BAIAP2L1: variants seen among roughly 807,000 people sequenced by gnomAD.
BAIAP2L1 encodes BAR/IMD domain containing adaptor protein 2 like 1.
In BAIAP2L1, 35 loss-of-function variants were observed where a neutral mutation model predicts 66.3. That is an observed-to-expected ratio of 0.53 (90% CI 0.40 to 0.70). The LOEUF (loss-of-function observed/expected upper bound fraction) is 0.70, where lower values mean the gene tolerates loss of function less well. BAIAP2L1 is among the 30% of genes least tolerant of loss of function. The pLI is 0.00. For missense variants in BAIAP2L1, 622 were observed against 656.9 expected (o/e 0.95, Z 0.58); for synonymous variants, 269 against 248.7 (o/e 1.08, Z -0.77).
chr7:98,292,850 A>G lies in BAIAP2L1; in HGVS notation c.*671T>C, dbSNP rs973504826. 2.5e-5 allele frequency: 37 copies of G among 1,454,620 alleles called. No homozygotes were observed. In the African/African-American group the frequency reaches 4.9e-4, roughly 19 times the overall value. 90.1% of individuals were successfully genotyped at this position (1,454,620 alleles called of 1,614,324 possible). ...TGCAGCGAATCCGTTGGCGACTCCT[A>G]ACTACCAAGAAAAGGAGCTCTCGGA... On this transcript the variant is annotated 3_prime_UTR_variant, in exon 14 of 14. Coordinates refer to ENST00000005260, the MANE Select transcript of BAIAP2L1 (RefSeq NM_018842.5).
At chr7:98,389,072 T>C (rs1182652839) in intron 1 of BAIAP2L1, among the ~76,000 whole-genome samples, 1 of 152,188 alleles carries the variant, frequency 6.6e-6, no homozygotes, top group Admixed American at 6.5e-5. Context: ...ATTTGTCACC[T>C]GAGGTTTTTG....
chr7:98,320,186 T>A (rs1304733125), intron 4 of BAIAP2L1, 51 bp downstream of exon 4: 2 of 1,589,984 alleles, frequency 1.3e-6, no homozygotes, highest in Non-Finnish European at 8.6e-7. Flanking sequence ...CAAAATAAGT[T>A]CTAAAACCTG....
At chr7:98,317,015 A>G (rs1370207836) in intron 6 of BAIAP2L1, among the ~76,000 whole-genome samples, 1 of 151,980 alleles carries the variant, frequency 6.6e-6, no homozygotes, top group Non-Finnish European at 1.5e-5. Flanking sequence ...GGTACCTGCC[A>G]TCACCCCAGC....
At chr7:98,364,195 A>C (rs922507231) in intron 1 of BAIAP2L1, among the ~76,000 whole-genome samples, 1 of 152,112 alleles carries the variant, frequency 6.6e-6, no homozygotes, top group African/African-American at 2.4e-5. Flanking sequence ...ATGACTTTGC[A>C]CTAAGGCTGA....
At position 98,311,370 on chromosome 7, in the gene BAIAP2L1, G is replaced by A. The variant is rs150050244; in HGVS notation, c.807+727C>T. 4.5e-3 allele frequency among the ~76,000 whole-genome samples: 681 copies of A among 150,058 alleles called. 2 individuals carry two copies. Among genetic ancestry groups the A allele is most frequent in the African/African-American group, 0.011 (457 of 40,854 alleles). ...CATCCTGGCTAACATGGTGAAACCC[G>A]GTTTCCACTAAAAATACAAAAAAAT... is the stretch of plus-strand genomic sequence containing the variant. On this transcript the variant is annotated intron_variant, in intron 8 of 13. Coordinates refer to ENST00000005260, the MANE Select transcript of BAIAP2L1 (RefSeq NM_018842.5).
In BAIAP2L1 at chr7:98,292,500, A is replaced by T; in HGVS notation, c.*1021T>A. On this transcript the variant is annotated 3_prime_UTR_variant, in exon 14 of 14. Coordinates refer to ENST00000005260, the MANE Select transcript of BAIAP2L1 (RefSeq NM_018842.5). Reference sequence around the variant, plus strand: ...TAACCATGACTCTCCACTCCAAAATAGGTCCAGATCCTTGGCAGCCAAAGA... The same window carrying T: ...TAACCATGACTCTCCACTCCAAAATTGGTCCAGATCCTTGGCAGCCAAAGA... 1.2e-6 allele frequency: 1 copy of T among 808,042 alleles called. No homozygotes were observed. Among genetic ancestry groups the T allele is most frequent in the Non-Finnish European group, 2.0e-6 (1 of 503,682 alleles). The allele number at this position is 808,042 out of a possible 1,614,324, so 50.1% of individuals were successfully genotyped here.
At chr7:98,312,673 G>A (rs1463636914) in intron 7 of BAIAP2L1, among the ~76,000 whole-genome samples, 1 of 152,164 alleles carries the variant, frequency 6.6e-6, no homozygotes, top group Non-Finnish European at 1.5e-5. Flanking sequence ...ACAGGCCACG[G>A]GCCCCGTAGT....
At chr7:98,392,915 C>A (rs1193319622) in intron 1 of BAIAP2L1, among the ~76,000 whole-genome samples, 3 of 150,056 alleles carry the variant, frequency 2.0e-5, no homozygotes, top group African/African-American at 7.3e-5. Flanking sequence ...GCCTCAGCAT[C>A]CCGAGTAGCT....
intron 3 of BAIAP2L1, among the ~76,000 whole-genome samples, chr7:98,344,210 G>T (rs1458174050): frequency 2.0e-5 from 3 of 152,050 alleles, no homozygotes; most frequent in African/African-American, 7.2e-5. Flanking sequence ...TTACAAGCAG[G>T]CCCTGGTCAT....
chr7:98,386,096 G>A (rs1192608412), intron 1 of BAIAP2L1: 23 of 1,583,688 alleles, frequency 1.5e-5, no homozygotes, highest in Middle Eastern at 1.7e-4. Context: ...ATCTTCTTCC[G>A]GATTTGGCGG....
At chr7:98,383,582 C>T (rs1035453715) in intron 1 of BAIAP2L1, among the ~76,000 whole-genome samples, 3 of 151,992 alleles carry the variant, frequency 2.0e-5, no homozygotes, top group South Asian at 2.1e-4. Flanking sequence ...CCACTGCGCC[C>T]GGCCATAACT....
chr7:98,363,720 CCATT>C (rs1802324542), intron 1 of BAIAP2L1, among the ~76,000 whole-genome samples: 1 of 152,150 alleles, frequency 6.6e-6, no homozygotes, highest in African/African-American at 2.4e-5. Context: ...CCCAAAGAGA[CCATT>C]CAAGTCTCAC....
chr7:98,382,896 G>A (rs188909218), intron 1 of BAIAP2L1, among the ~76,000 whole-genome samples: 164 of 152,238 alleles, frequency 1.1e-3, no homozygotes, highest in African/African-American at 3.6e-3. Context: ...CAGTATCCAC[G>A]TTTGCTTTGT....
intron 12 of BAIAP2L1, among the ~76,000 whole-genome samples, chr7:98,294,660 G>A (rs73147339): frequency 1.0e-3 from 159 of 152,302 alleles, no homozygotes; most frequent in Non-Finnish European, 1.7e-3. Context: ...CCTCAGCCAC[G>A]GTCTTTTGAA....
chr7:98,388,430 T>A (rs962496075), intron 1 of BAIAP2L1, among the ~76,000 whole-genome samples: 2 of 151,860 alleles, frequency 1.3e-5, no homozygotes, highest in Non-Finnish European at 2.9e-5. Flanking sequence ...GAAGTGGAGG[T>A]TGCAGTGAGC....
intron 12 of BAIAP2L1, among the ~76,000 whole-genome samples, chr7:98,297,707 G>A (rs763264230): frequency 1.3e-5 from 2 of 152,196 alleles, no homozygotes; most frequent in Non-Finnish European, 2.9e-5. Context: ...CAACTGCTCC[G>A]AGCCACTGGG....
chr7:98,369,875 T>C (rs1364982775), intron 1 of BAIAP2L1, among the ~76,000 whole-genome samples: 1 of 152,002 alleles, frequency 6.6e-6, no homozygotes, highest in Non-Finnish European at 1.5e-5. Context: ...TTTCACCGTG[T>C]TGCCCAGGCT....
intron 1 of BAIAP2L1, among the ~76,000 whole-genome samples, chr7:98,372,733 G>GTTTTTTTTTTTTTT (rs34330041): frequency 1.1e-5 from 1 of 93,768 alleles, no homozygotes; most frequent in Non-Finnish European, 2.0e-5. Flanking sequence ...ATCGATTTTG[G>GTTTTTTTTTTTTTT]TTTTTTTTTT....
intron 3 of BAIAP2L1, among the ~76,000 whole-genome samples, chr7:98,352,508 G>A (rs570521359): frequency 6.6e-6 from 1 of 152,158 alleles, no homozygotes; most frequent in African/African-American, 2.4e-5. Flanking sequence ...CGGGTATGGT[G>A]GTGGGCACCT....
Sources: allele counts gnomAD v4.1 joint callset (sites outside exome capture counted in the v4.1 genomes callset), GRCh38; gene constraint gnomAD v4.1.1; transcripts MANE v1.5; gene names NCBI Gene and HGNC (gene_info 2026-07-23, HGNC 2026-07-21).